Variants in PCNP observed in about 807,000 individuals in gnomAD.
The protein encoded by PCNP is PEST proteolytic signal-containing nuclear protein.
Under a neutral mutation model 21.8 loss-of-function variants are expected in PCNP, and 6 were observed. The ratio of observed to expected loss-of-function variants is 0.28; its 90% confidence interval spans 0.15 to 0.54. PCNP has a LOEUF of 0.54. PCNP is among the 20% of genes least tolerant of loss of function. The pLI is 0.95. For missense variants in PCNP, 161 were observed against 215.5 expected (o/e 0.75, Z 1.58); for synonymous variants, 67 against 73.2 (o/e 0.92, Z 0.43).
chr3:101,576,381 C>T (rs1934887449), intron 1 of PCNP: 4 of 841,552 alleles, frequency 4.8e-6, no homozygotes, highest in Non-Finnish European at 5.2e-6. Context: ...ACTACAGGCG[C>T]GGGCCACCAC....
Position 101,594,349 on chromosome 3 carries a change from A to G in PCNP, c.*1596A>G, listed in dbSNP as rs1295028452. 1 of 152,626 alleles carries G rather than the reference A, an allele frequency of 6.6e-6. No homozygotes were observed. The highest frequency in any genetic ancestry group is 1.9e-4 in the East Asian group (1 of 5,204). The allele number at this position is 152,626 out of a possible 1,614,324, so 9.5% of individuals were successfully genotyped here. A position where few individuals can be genotyped will look rare whatever the true frequency, so the allele number is the denominator to read the frequency against. ...CCTACGTATTATTTTCTTGACCCAA[A>G]TGAAATATTAACCTAAGGTCAAGCT... On this transcript the variant is annotated 3_prime_UTR_variant, in exon 5 of 5. Transcript: ENST00000265260.
In PCNP at chr3:101,582,548, T is replaced by G. The variant is rs12107919; in HGVS notation, c.279+2544T>G. 9.1e-3 allele frequency among the ~76,000 whole-genome samples: 1,387 copies of G among 152,336 alleles called. 21 individuals are homozygous for G. The highest frequency in any genetic ancestry group is 0.031 in the African/African-American group (1,305 of 41,570). ...AATTGCTGGATTGATTATGTGAAGA[T>G]AGTTAATCAGCCAACAAATGCTTAT... On this transcript the variant is annotated intron_variant, in intron 2 of 4. Transcript: ENST00000265260.
At chr3:101,583,638 G>T (rs1283894973) in intron 2 of PCNP, among the ~76,000 whole-genome samples, 1 of 124,388 alleles carries the variant, frequency 8.0e-6, no homozygotes, top group African/African-American at 2.8e-5. Flanking sequence ...AAGGTCAGGA[G>T]ATTTTTTTGT....
At chr3:101,587,205 G>A (rs1433201895) in intron 3 of PCNP, among the ~76,000 whole-genome samples, 3 of 151,528 alleles carry the variant, frequency 2.0e-5, no homozygotes, top group Non-Finnish European at 2.9e-5. Context: ...AGCCAAGATC[G>A]TGCCATTGCA....
intron 3 of PCNP, among the ~76,000 whole-genome samples, chr3:101,586,544 T>TTGTGTGTG (rs745698453): frequency 3.2e-5 from 1 of 31,428 alleles, no homozygotes; most frequent in African/African-American, 6.7e-5. Context: ...GGGCGTATAT[T>TTGTGTGTG]CGTGTGTGTG....
At chr3:101,584,571 T>A (rs988560918) in intron 2 of PCNP, among the ~76,000 whole-genome samples, 1 of 152,206 alleles carries the variant, frequency 6.6e-6, no homozygotes, top group Non-Finnish European at 1.5e-5. Context: ...TTATTTTTTT[T>A]ATTTTTATTT....
intron 2 of PCNP, among the ~76,000 whole-genome samples, chr3:101,581,147 A>C: frequency 6.6e-6 from 1 of 152,170 alleles, no homozygotes; most frequent in Non-Finnish European, 1.5e-5. Context: ...CTATTTTTTA[A>C]AAAATTCAGT....
chr3:101,592,780 G>C lies in PCNP; in HGVS notation c.*27G>C, dbSNP rs758745502. 1 of 1,605,008 alleles carries C rather than the reference G, an allele frequency of 6.2e-7. No individual in the cohort carries two copies. The highest frequency in any genetic ancestry group is 8.5e-7 in the Non-Finnish European group (1 of 1,175,636). The stretch of plus-strand genomic sequence containing the variant: ...TGATGTTTTGAAATTGGGGTGTGGG[G>C]TGGGTGTAAAGTTAAAAGGAACAGT... On this transcript the variant is annotated 3_prime_UTR_variant, in exon 5 of 5. Coordinates refer to ENST00000265260, the MANE Select transcript of PCNP (RefSeq NM_020357.3).
intron 3 of PCNP, among the ~76,000 whole-genome samples, chr3:101,587,737 C>T (rs1186698175): frequency 6.6e-6 from 1 of 151,698 alleles, no homozygotes. Context: ...AGTTTCTTGG[C>T]ATCTCTAACA....
chr3:101,574,843 T>C (rs1483912375), intron 1 of PCNP: 2 of 152,450 alleles, frequency 1.3e-5, no homozygotes, highest in African/African-American at 4.8e-5. Flanking sequence ...AGTTTAATAT[T>C]GACCCTGTGA....
intron 1 of PCNP, among the ~76,000 whole-genome samples, chr3:101,574,520 C>T (rs1934751035): frequency 1.3e-5 from 2 of 152,200 alleles, no homozygotes; most frequent in African/African-American, 4.8e-5. Flanking sequence ...AGCGGAGGCC[C>T]TGATTCCGAG....
At chr3:101,579,438 G>C (rs1199500817) in intron 1 of PCNP, among the ~76,000 whole-genome samples, 1 of 152,160 alleles carries the variant, frequency 6.6e-6, no homozygotes, top group Non-Finnish European at 1.5e-5. Context: ...AAACTACTAA[G>C]TGTAAAAGAT....
At chr3:101,586,572 G>GAGAGAGAGAGAGAGAGAGTTTCTTGTTTC (rs71625588) in intron 3 of PCNP, among the ~76,000 whole-genome samples, 17 of 73,002 alleles carry the variant, frequency 2.3e-4, no homozygotes, top group East Asian at 9.6e-4. Context: ...GTGTGTGTGT[G>GAGAGAGAGAGAGAGAGAGTTTCTTGTTTC]AGAGAGAGAG....
intron 3 of PCNP, among the ~76,000 whole-genome samples, chr3:101,589,405 G>C (rs1181082198): frequency 4.1e-5 from 4 of 98,416 alleles, no homozygotes; most frequent in African/African-American, 1.4e-4. Context: ...TAAGGAATGA[G>C]CTCTCTTTTT....
intron 1 of PCNP, chr3:101,577,028 T>C: frequency 1.3e-6 from 1 of 779,772 alleles, no homozygotes; most frequent in Admixed American, 1.8e-5. Context: ...GATTTCACCA[T>C]GTTGGCTAGA....
In PCNP at chr3:101,585,828, T is replaced by G. The variant is rs558031465; in HGVS notation, c.354+317T>G. On this transcript the variant is annotated intron_variant, in intron 3 of 4. Transcript: ENST00000265260. ...AATACTGTTGCCTTAATAATTTTTA[T>G]AGTTGGGGTCTTCAGTAATGATACA... Among the ~76,000 whole-genome samples the G allele has an allele frequency of 9.2e-5, 14 of 152,326 alleles. No individual in the cohort carries two copies. The South Asian group carries it at 2.9e-3, about 32-fold the overall frequency.
intron 4 of PCNP, among the ~76,000 whole-genome samples, chr3:101,591,682 G>T (rs1191105342): frequency 6.6e-6 from 1 of 150,742 alleles, no homozygotes; most frequent in Admixed American, 6.6e-5. Context: ...ACAAATGCTG[G>T]TGGCCAGCTA....
intron 1 of PCNP, among the ~76,000 whole-genome samples, chr3:101,577,303 C>G (rs895150521): frequency 6.6e-6 from 1 of 152,110 alleles, no homozygotes; most frequent in Non-Finnish European, 1.5e-5. Context: ...CATACATAAT[C>G]ATGGCCATCT....
rs1184163227 is a variant in PCNP at position 101,579,993 on chromosome 3, C to T, written c.268C>T (p.Leu90Phe). The change falls in exon 2 of 5, where the codon CTT (leucine) becomes TTT (phenylalanine). Residue 90 changes from leucine (L) to phenylalanine (F), a missense_variant. Coordinates refer to ENST00000265260, the MANE Select transcript of PCNP (RefSeq NM_020357.3). ...TKKASAISIK[L>F]GSSKPKETVP... The stretch of plus-strand genomic sequence containing the variant: ...GAAAGCATCAGCCATATCCATCAAA[C>T]TTGGATCAAGTGTGAGTTGTTATTT... 1 of 1,612,092 alleles carries T rather than the reference C, an allele frequency of 6.2e-7. No homozygotes were observed. The highest frequency in any genetic ancestry group is 1.7e-5 in the Admixed American group (1 of 60,000).
Sources: allele counts gnomAD v4.1 joint callset (sites outside exome capture counted in the v4.1 genomes callset), GRCh38; gene constraint gnomAD v4.1.1; transcripts MANE v1.5; gene names NCBI Gene and HGNC (gene_info 2026-07-23, HGNC 2026-07-21).